Variants in POLA1 observed in about 807,000 individuals in gnomAD.
POLA1 encodes DNA polymerase alpha catalytic subunit.
Under a neutral mutation model 124.0 loss-of-function variants are expected in POLA1, and 15 were observed. The ratio of observed to expected loss-of-function variants is 0.12; its 90% CI spans 0.08 to 0.19. The LOEUF (loss-of-function observed/expected upper bound fraction) is 0.19. Among genes scored for constraint, POLA1 ranks in the 10% least tolerant of loss-of-function variants. The pLI is 1.00. For missense variants in POLA1, 886 were observed against 1,103.4 expected (o/e 0.80, Z 2.79); for synonymous variants, 408 against 389.4 (o/e 1.05, Z -0.56).
chrX:24,897,643 G>A (rs1331459931), intron 35 of POLA1, among the ~76,000 whole-genome samples: 1 of 111,717 alleles, frequency 9.0e-6, no homozygotes, highest in Non-Finnish European at 1.9e-5. Context: ...CATCTTCTTG[G>A]CCCCTCTACC....
intron 30 of POLA1, among the ~76,000 whole-genome samples, chrX:24,815,741 A>G (rs1209639378): frequency 9.0e-6 from 1 of 111,578 alleles, no homozygotes; most frequent in Non-Finnish European, 1.9e-5. Flanking sequence ...AATGCTACCC[A>G]TTTTGTGGTA....
chrX:24,920,431 G>T (rs1267132173), intron 35 of POLA1, among the ~76,000 whole-genome samples: 1 of 111,270 alleles, frequency 9.0e-6, no homozygotes, highest in African/African-American at 3.3e-5. Flanking sequence ...CATCATTGTA[G>T]CCTGTGTGAG....
chrX:24,921,182 C>T (rs1370107385), intron 35 of POLA1, among the ~76,000 whole-genome samples: 1 of 112,580 alleles, frequency 8.9e-6, no homozygotes, highest in Non-Finnish European at 1.9e-5. Flanking sequence ...ATATCACATA[C>T]TATGCAAGTG....
At chrX:24,867,632 T>C (rs2046811954) in intron 34 of POLA1, among the ~76,000 whole-genome samples, 1 of 112,106 alleles carries the variant, frequency 8.9e-6, no homozygotes, top group Admixed American at 9.5e-5. Context: ...TCAATATTTA[T>C]AGTGAACTTG....
intron 36 of POLA1, among the ~76,000 whole-genome samples, chrX:24,981,618 A>G (rs1362887899): frequency 8.9e-6 from 1 of 112,618 alleles, no homozygotes; most frequent in Non-Finnish European, 1.9e-5. Context: ...TTTTCAGATG[A>G]AAATGGGAAT....
At chrX:24,700,807 C>G in intron 2 of POLA1, among the ~76,000 whole-genome samples, 1 of 111,826 alleles carries the variant, frequency 8.9e-6, no homozygotes, top group Non-Finnish European at 1.9e-5. Flanking sequence ...CCACACTGAG[C>G]CCAGGACTAA....
chrX:24,860,540 T>C (rs2046702749), intron 34 of POLA1, among the ~76,000 whole-genome samples: 1 of 112,876 alleles, frequency 8.9e-6, no homozygotes, highest in Middle Eastern at 4.6e-3. Context: ...TTTCCCATTT[T>C]TGGAAGATAA....
At chrX:24,793,135 G>C (rs1166604256) in intron 26 of POLA1, among the ~76,000 whole-genome samples, 1 of 108,799 alleles carries the variant, frequency 9.2e-6, no homozygotes, top group East Asian at 2.9e-4. Context: ...AAATTAGCCG[G>C]GTGTGGTGGC....
At chrX:24,897,366 C>A (rs770121179) in intron 35 of POLA1, among the ~76,000 whole-genome samples, 2,530 of 100,678 alleles carry the variant, frequency 0.025, 36 homozygotes, top group Non-Finnish European at 0.038. Flanking sequence ...TGCCCCCCCC[C>A]CCACCAACCC....
At chrX:24,830,469 A>G (rs908998834) in intron 32 of POLA1, among the ~76,000 whole-genome samples, 7 of 112,413 alleles carry the variant, frequency 6.2e-5, no homozygotes, top group African/African-American at 1.6e-4. Flanking sequence ...TCATTATCCC[A>G]CAGTAAAATA....
At chrX:24,758,688 G>GT (rs1053146377) in intron 26 of POLA1, among the ~76,000 whole-genome samples, 6 of 111,317 alleles carry the variant, frequency 5.4e-5, no homozygotes, top group South Asian at 3.8e-4. Context: ...TTGTTTTTTT[G>GT]TTTTTTTGTT....
intron 32 of POLA1, 137 bp downstream of exon 32, chrX:24,826,738 G>A (rs2046179854): frequency 4.6e-6 from 2 of 434,736 alleles, no homozygotes; most frequent in Admixed American, 4.6e-5. Context: ...ATGTATTTTT[G>A]TGGTTGTTTG....
intron 36 of POLA1, among the ~76,000 whole-genome samples, chrX:24,994,919 A>T (rs1245565081): frequency 9.0e-6 from 1 of 111,131 alleles, no homozygotes; most frequent in Admixed American, 9.5e-5. Flanking sequence ...GGCCGGGCGC[A>T]GTGGCTCACG....
chrX:24,738,219 CAAAAAAAAAAAAA>C (rs755084911), intron 19 of POLA1, among the ~76,000 whole-genome samples: 3 of 11,247 alleles, frequency 2.7e-4, no homozygotes, highest in South Asian at 9.5e-3. Context: ...GACTCCGTCT[CAAAAAAAAAAAAA>C]AAAAAAAAAA....
chrX:24,980,054 G>A (rs1478484625), intron 36 of POLA1, among the ~76,000 whole-genome samples: 1 of 111,232 alleles, frequency 9.0e-6, no homozygotes. Flanking sequence ...TCCCCTTAGG[G>A]ATTTGGGTTT....
At chrX:24,797,902 G>A (rs2045636285) in intron 26 of POLA1, among the ~76,000 whole-genome samples, 1 of 107,990 alleles carries the variant, frequency 9.3e-6, no homozygotes, top group African/African-American at 3.4e-5. Flanking sequence ...AAAAAAATTA[G>A]CCAGGCTTGG....
At chrX:24,826,028 C>T (rs2046165663) in intron 31 of POLA1, among the ~76,000 whole-genome samples, 1 of 111,910 alleles carries the variant, frequency 8.9e-6, no homozygotes. Context: ...TAAAAAAGAC[C>T]ATACACATGT....
intron 26 of POLA1, among the ~76,000 whole-genome samples, chrX:24,762,850 G>C (rs916421813): frequency 2.7e-5 from 3 of 110,536 alleles, no homozygotes. Context: ...TGACTTTCCT[G>C]CCTCAGCCTC....
Position 24,810,788 on chromosome X carries a change from G to T in POLA1, c.3078G>T (p.Lys1026Asn). 2 of 1,029,996 alleles carry T rather than the reference G, an allele frequency of 1.9e-6. No individual in the cohort carries two copies. Among genetic ancestry groups the T allele is most frequent in the Non-Finnish European group, 2.7e-6 (2 of 739,093 alleles). 84.9% of individuals were successfully genotyped at this position (1,029,996 alleles called of 1,213,427 possible). The change falls in exon 28 of 37, where the codon AAG (lysine) becomes AAT (asparagine). Residue 1026 changes from lysine (K) to asparagine (N), a missense_variant. Around this residue, in one of 7 missense-constraint regions of POLA1, gnomAD observed 313 missense variants for 359.7 expected, o/e 0.87. Transcript: ENST00000379068. ...TNSTNLEEVF[K>N]LGNKVKSEVN... The stretch of plus-strand genomic sequence containing the variant: ...GCACCAATCTGGAAGAAGTATTTAA[G>T]TTGGGAAACAAGGTGAGATAATTTT...
Sources: allele counts gnomAD v4.1 joint callset (sites outside exome capture counted in the v4.1 genomes callset), GRCh38; gene constraint gnomAD v4.1.1; regional missense constraint gnomAD v4.1.1; transcripts MANE v1.5; gene names NCBI Gene and HGNC (gene_info 2026-07-23, HGNC 2026-07-21).